PSAT1: variants seen among roughly 807,000 people sequenced by gnomAD.
The protein encoded by PSAT1 is phosphoserine aminotransferase.
A neutral mutation model predicts 40.3 loss-of-function variants in PSAT1; 41 were observed. That is an observed-to-expected ratio of 1.02 (90% CI 0.79 to 1.32). PSAT1 has a LOEUF of 1.32. Among genes scored for constraint, PSAT1 ranks in the 40% most tolerant of loss-of-function variants. PSAT1 has a pLI of 0.00. For synonymous variants in PSAT1, 147 were observed against 170.5 expected (o/e 0.86, Z 1.07); for missense variants, 406 against 455.8 (o/e 0.89, Z 0.99).
intron 6 of PSAT1, among the ~76,000 whole-genome samples, chr9:78,311,012 G>A (rs1423471544): frequency 6.6e-6 from 1 of 152,226 alleles, no homozygotes; most frequent in East Asian, 1.9e-4. Flanking sequence ...CCTCAGGGGA[G>A]TGTTCTGGGA....
chr9:78,329,084 T>C lies in PSAT1; in HGVS notation c.1111T>C (p.Ter371ArgextTer11), dbSNP rs756701004. The C allele has an allele frequency of 1.7e-5, 27 of 1,601,468 alleles. No individual in the cohort carries two copies. In the African/African-American group the frequency reaches 2.9e-4, roughly 17 times the overall value. Residue 371 changes from the stop codon to arginine (R), a stop_lost, in exon 9 of 9, where the codon TGA (stop) becomes CGA (arginine). Transcript: ENST00000376588. The part of the protein sequence containing the change: ...MKKFLEMHQL[*>R] The stretch of plus-strand genomic sequence containing the variant: ...AAAATTTTTGGAGATGCATCAGCTA[T>C]GAACACATCCTAACCAGGATATACT...
intron 2 of PSAT1, among the ~76,000 whole-genome samples, 182 bp downstream of exon 2, chr9:78,300,844 TAG>T (rs1176701412): frequency 4.6e-5 from 7 of 151,490 alleles, no homozygotes; most frequent in African/African-American, 1.7e-4. Flanking sequence ...GCATCCTGAG[TAG>T]CTAGGACTAT....
chr9:78,299,037 G>C (rs7864809), intron 1 of PSAT1, among the ~76,000 whole-genome samples: 2 of 151,538 alleles, frequency 1.3e-5, no homozygotes, highest in African/African-American at 4.9e-5. Flanking sequence ...CAACTCAGGA[G>C]GCTAAGGTGG....
chr9:78,302,915 A>G (rs1587633905), intron 3 of PSAT1, among the ~76,000 whole-genome samples: 1 of 152,136 alleles, frequency 6.6e-6, no homozygotes, highest in African/African-American at 2.4e-5. Context: ...TTTCCTATCC[A>G]GAGAATCCCT....
At chr9:78,312,273 C>G (rs1828279656) in intron 6 of PSAT1, among the ~76,000 whole-genome samples, 1 of 152,132 alleles carries the variant, frequency 6.6e-6, no homozygotes, top group Non-Finnish European at 1.5e-5. Context: ...TCTGACTGCA[C>G]AAAATATTTT....
chr9:78,327,250 C>A (rs187394249), intron 7 of PSAT1, among the ~76,000 whole-genome samples: 1 of 151,772 alleles, frequency 6.6e-6, no homozygotes, highest in Non-Finnish European at 1.5e-5. Flanking sequence ...TGTGAGCCAC[C>A]GCGCTTGGCC....
intron 2 of PSAT1, 47 bp downstream of exon 2, chr9:78,300,709 G>GGT: frequency 8.5e-7 from 1 of 1,176,112 alleles, no homozygotes; most frequent in Non-Finnish European, 1.1e-6. Flanking sequence ...TTCAAAGGAA[G>GGT]CTTTTTTTTT....
chr9:78,326,955 A>ATATATATAT, intron 7 of PSAT1, among the ~76,000 whole-genome samples: 37 of 75,934 alleles, frequency 4.9e-4, no homozygotes, highest in Non-Finnish European at 7.2e-4. Context: ...ATATATATAT[A>ATATATATAT]TTTTTTTTTT....
chr9:78,301,743 C>A (rs1828110238), intron 2 of PSAT1, among the ~76,000 whole-genome samples: 1 of 152,178 alleles, frequency 6.6e-6, no homozygotes, highest in Non-Finnish European at 1.5e-5. Flanking sequence ...CTTGAAAAAT[C>A]CTTCTGCCAT....
At position 78,304,925 on chromosome 9, in the gene PSAT1, C is replaced by G. The variant is rs763223623; in HGVS notation, c.382C>G (p.Leu128Val). The G allele has an allele frequency of 6.2e-7, 1 of 1,612,420 alleles. No homozygotes were observed. The highest frequency in any genetic ancestry group is 1.3e-5 in the African/African-American group (1 of 74,872). The change falls in exon 4 of 9, where the codon CTT (leucine) becomes GTT (valine). Residue 128 changes from leucine (L) to valine (V), a missense_variant. Coordinates refer to ENST00000376588, the MANE Select transcript of PSAT1 (RefSeq NM_058179.4). The stretch of plus-strand genomic sequence containing the variant: ...GACTATAAATATCGTTCACCCTAAA[C>G]TTGGGAGTTATACAAGTAAGTTCTG... ...FGTINIVHPK[L>V]GSYTKIPDPS...
In PSAT1 at chr9:78,321,074, A is replaced by G. The variant is rs376893263; in HGVS notation, c.869+3270A>G. Among the ~76,000 whole-genome samples the G allele has an allele frequency of 2.6e-5, 4 of 152,194 alleles. No homozygotes were observed. The East Asian group carries it at 5.8e-4, about 22-fold the overall frequency. ...TAAACCTGGGCCTCTCCCAGAAGGC[A>G]GCCTGCCAAACTAATGTGGCAGGCA... On this transcript the variant is annotated intron_variant, in intron 7 of 8. Coordinates refer to ENST00000376588, the MANE Select transcript of PSAT1 (RefSeq NM_058179.4).
chr9:78,321,723 C>T (rs1828432410), intron 7 of PSAT1, among the ~76,000 whole-genome samples: 1 of 152,130 alleles, frequency 6.6e-6, no homozygotes, highest in Admixed American at 6.5e-5. Context: ...TGACTGACCC[C>T]ATGTTGAGCC....
intron 7 of PSAT1, among the ~76,000 whole-genome samples, chr9:78,326,612 T>C (rs1200683167): frequency 6.6e-6 from 1 of 152,292 alleles, no homozygotes; most frequent in Middle Eastern, 3.4e-3. Context: ...CAGGTACTTA[T>C]ATAGCATTTA....
At chr9:78,302,939 ATTGCTATT>A (rs1414806000) in intron 3 of PSAT1, among the ~76,000 whole-genome samples, 1 of 152,094 alleles carries the variant, frequency 6.6e-6, no homozygotes, top group Admixed American at 6.5e-5. Flanking sequence ...TCTTAAATAG[ATTGCTATT>A]TAAAGGAGAG....
At chr9:78,302,051 T>C (rs1259356693) in intron 3 of PSAT1, 28 bp downstream of exon 3, 1 of 1,499,586 alleles carries the variant, frequency 6.7e-7, no homozygotes, top group Non-Finnish European at 9.3e-7. Flanking sequence ...CAAATCATGT[T>C]ACTTTTGTTA....
intron 7 of PSAT1, among the ~76,000 whole-genome samples, chr9:78,321,831 T>C (rs1828433809): frequency 6.6e-6 from 1 of 152,206 alleles, no homozygotes; most frequent in Admixed American, 6.5e-5. Context: ...AAGCCACAGT[T>C]TTCTCATCTG....
In PSAT1 at chr9:78,308,570, C is replaced by A; in HGVS notation, c.727C>A (p.Pro243Thr). 1.9e-6 allele frequency: 3 copies of A among 1,614,062 alleles called. No individual in the cohort carries two copies. Among genetic ancestry groups the A allele is most frequent in the Non-Finnish European group, 2.5e-6 (3 of 1,180,024 alleles). ...QAGNSSLYNT[P>T]PCFSIYVMGL... is the part of the protein sequence containing the mutation. ...TGGAAACAGCTCCTTGTACAACACG[C>A]CTCCATGTTTCAGGTAACTCTGGGA... The change falls in exon 6 of 9, where the codon CCT (proline) becomes ACT (threonine). Residue 243 changes from proline (P) to threonine (T), a missense_variant. Transcript: ENST00000376588.
At chr9:78,320,618 C>G (rs1270812273) in intron 7 of PSAT1, among the ~76,000 whole-genome samples, 1 of 149,954 alleles carries the variant, frequency 6.7e-6, no homozygotes, top group African/African-American at 2.5e-5. Flanking sequence ...CATCCATCCA[C>G]TCATCCATTC....
At chr9:78,317,622 G>C in intron 6 of PSAT1, 54 bp from the exon 7 acceptor site, 1 of 1,595,254 alleles carries the variant, frequency 6.3e-7, no homozygotes, top group East Asian at 2.2e-5. Context: ...CTTGAATATA[G>C]TTCTACTTTT....
Sources: gnomAD v4.1 joint callset for allele counts (sites outside exome capture counted in the v4.1 genomes callset) on GRCh38, gnomAD v4.1.1 for gene constraint, MANE v1.5 for transcripts, NCBI Gene and HGNC (gene_info 2026-07-23, HGNC 2026-07-21) for gene names.